SLC7A13: variants seen among roughly 807,000 people sequenced by gnomAD.
SLC7A13 encodes X-amino acid transporter 2.
A neutral mutation model predicts 32.0 loss-of-function variants in SLC7A13; 31 were observed. That is an observed-to-expected ratio of 0.97 (90% CI 0.73 to 1.31). The LOEUF is 1.31. SLC7A13 is among the 50% of genes most tolerant of loss of function. The pLI, the probability that SLC7A13 is intolerant of heterozygous loss-of-function variation, is 0.00. For synonymous variants in SLC7A13, 232 were observed against 206.9 expected (o/e 1.12, Z -1.04); for missense variants, 633 against 546.9 (o/e 1.16, Z -1.57).
At chr8:86,224,874 C>T (rs542376806) in intron 1 of SLC7A13, among the ~76,000 whole-genome samples, 1 of 151,950 alleles carries the variant, frequency 6.6e-6, no homozygotes, top group Admixed American at 6.6e-5. Flanking sequence ...ATTTCTAGAA[C>T]TTCCCTATTT....
chr8:86,227,279 G>A lies in SLC7A13; in HGVS notation c.685+2314C>T, dbSNP rs530941735. 3.9e-5 allele frequency among the ~76,000 whole-genome samples: 6 copies of A among 152,182 alleles called. No individual in the cohort carries two copies. In the East Asian group the frequency reaches 1.2e-3, roughly 29 times the overall value. ...AGAAAAAGTTTTGTTCAGTAGTTAA[G>A]AGTCTGATACATATATAAATAACAA... On this transcript the variant is annotated intron_variant, in intron 1 of 3. Coordinates refer to ENST00000297524, the MANE Select transcript of SLC7A13 (RefSeq NM_138817.3).
At chr8:86,214,710 C>A in intron 3 of SLC7A13, 64 bp from the exon 4 acceptor site, 6 of 1,133,448 alleles carry the variant, frequency 5.3e-6, no homozygotes, top group South Asian at 3.3e-5. Context: ...CCTGCATATT[C>A]ATATAAATAA....
Position 86,230,028 on chromosome 8 carries a change from G to A in SLC7A13, c.250C>T (p.Leu84Phe). 2.5e-6 allele frequency: 4 copies of A among 1,614,152 alleles called. No homozygotes were observed. The highest frequency in any genetic ancestry group is 2.5e-6 in the Non-Finnish European group (3 of 1,180,028). The change falls in exon 1 of 4, where the codon CTC (leucine) becomes TTC (phenylalanine). Residue 84 changes from leucine (L) to phenylalanine (F), a missense_variant. Leu to Phe is a conservative substitution (Grantham distance 22). Coordinates refer to ENST00000297524, the MANE Select transcript of SLC7A13 (RefSeq NM_138817.3). Reference sequence around the variant, plus strand: ...ACCGTGGAGCCAAAGTATCTCTTGAGAAAATAGTATTGAGCTCCACTGCAT... The same window carrying A: ...ACCGTGGAGCCAAAGTATCTCTTGAAAAAATAGTATTGAGCTCCACTGCAT... ...FPCSGAQYYF[L>F]KRYFGSTVAF...
In SLC7A13 at chr8:86,230,003, AC is replaced by A. The variant is rs1563593177; in HGVS notation, c.274del (p.Val92LeufsTer4). On this transcript the variant is annotated frameshift_variant, in exon 1 of 4. Transcript: ENST00000297524. LOFTEE classifies it high-confidence loss of function. ...YFLKRYFGST[V>X]AFLNLWTSLF... is the part of the protein sequence containing the mutation. Reference sequence around the variant, plus strand: ...GGATGTCCAGAGATTCAAAAAAGCAACCGTGGAGCCAAAGTATCTCTTGAGA... The same window carrying A: ...GGATGTCCAGAGATTCAAAAAAGCAACGTGGAGCCAAAGTATCTCTTGAGA... 1 of 1,614,194 alleles carries A rather than the reference AC, an allele frequency of 6.2e-7. No individual in the cohort carries two copies. The highest frequency in any genetic ancestry group is 1.1e-5 in the South Asian group (1 of 91,090).
chr8:86,221,575 AT>A (rs1033679924), intron 2 of SLC7A13, among the ~76,000 whole-genome samples: 34 of 152,216 alleles, frequency 2.2e-4, no homozygotes, highest in African/African-American at 8.2e-4. Flanking sequence ...CTAACTCGTC[AT>A]CTAGCATTAG....
intron 1 of SLC7A13, among the ~76,000 whole-genome samples, chr8:86,227,235 T>G (rs929265163): frequency 1.3e-5 from 2 of 152,158 alleles, no homozygotes; most frequent in Non-Finnish European, 2.9e-5. Context: ...GATAAATTAG[T>G]GGTGGGGGAC....
intron 2 of SLC7A13, among the ~76,000 whole-genome samples, chr8:86,221,064 GAAA>G (rs1427100309): frequency 6.7e-6 from 1 of 150,088 alleles, no homozygotes; most frequent in Non-Finnish European, 1.5e-5. Flanking sequence ...GCACTTTAAA[GAAA>G]ATTTGGAATA....
rs746257822 is a variant in SLC7A13 at position 86,217,804 on chromosome 8, C to T, written c.845G>A (p.Arg282Gln). ...AATCCATGCTAATGAGGGAAAAGCTCGATCAGCCCATGTGATAGCTACAGC... is the reference window on the plus strand; with the variant it reads ...AATCCATGCTAATGAGGGAAAAGCTTGATCAGCCCATGTGATAGCTACAGC... The part of the protein sequence containing the change: ...SDAVAITWAD[R>Q]AFPSLAWIMP... Residue 282 changes from arginine (R) to glutamine (Q), a missense_variant, in exon 3 of 4, where the codon CGA (arginine) becomes CAA (glutamine). Transcript: ENST00000297524. 6.9e-6 allele frequency: 11 copies of T among 1,595,376 alleles called. No individual in the cohort carries two copies. In the South Asian group the frequency reaches 8.0e-5, roughly 12 times the overall value.
intron 1 of SLC7A13, among the ~76,000 whole-genome samples, chr8:86,228,143 C>G (rs1260390009): frequency 7.2e-5 from 11 of 152,260 alleles, no homozygotes; most frequent in Admixed American, 7.2e-4. Context: ...GCACTTGTTG[C>G]TCTGCTCTGA....
chr8:86,215,738 C>T (rs1320027018), intron 3 of SLC7A13: 6 of 406,664 alleles, frequency 1.5e-5, no homozygotes, highest in African/African-American at 2.1e-5. Context: ...GCTTATAAAG[C>T]GTCCCAGAAA....
intron 2 of SLC7A13, among the ~76,000 whole-genome samples, chr8:86,222,425 T>C (rs906878366): frequency 3.3e-5 from 5 of 152,180 alleles, no homozygotes; most frequent in Admixed American, 3.3e-4. Flanking sequence ...GTCTCTAAGA[T>C]AGCTATTTTT....
rs9656982 is a variant in SLC7A13 at position 86,214,471 on chromosome 8, A to G, written c.1355T>C (p.Met452Thr). ...FKIRLAWFEK[M>T]TCYLQLLFNI... ...AAATAGTAATTGTAAATAGCAAGTCATCTTCTCAAACCAAGCCAATCTTAT... is the reference window on the plus strand; with the variant it reads ...AAATAGTAATTGTAAATAGCAAGTCGTCTTCTCAAACCAAGCCAATCTTAT... The change falls in exon 4 of 4, where the codon ATG becomes ACG. Residue 452 changes from methionine (M) to threonine (T), a missense_variant. Physicochemically the swap from Met to Thr is moderately conservative, Grantham distance 81. Coordinates refer to ENST00000297524, the MANE Select transcript of SLC7A13 (RefSeq NM_138817.3). 0.11 allele frequency: 172,321 copies of G among 1,610,534 alleles called. 11,325 individuals are homozygous for G. Among genetic ancestry groups the G allele is most frequent in the Admixed American group, 0.25 (15,142 of 59,926 alleles).
rs528331764 is a variant in SLC7A13 at position 86,224,970 on chromosome 8, C to T, written c.686-1867G>A. On this transcript the variant is annotated intron_variant, in intron 1 of 3. Coordinates refer to ENST00000297524, the MANE Select transcript of SLC7A13 (RefSeq NM_138817.3). Reference sequence around the variant, plus strand: ...TCTTGAACTCCTGGCCTCAAGCAATCCTCCAGTCTAGGCCTCCCAAAGTGC... The same window carrying T: ...TCTTGAACTCCTGGCCTCAAGCAATTCTCCAGTCTAGGCCTCCCAAAGTGC... Among the ~76,000 whole-genome samples the T allele has an allele frequency of 2.9e-4, 43 of 149,964 alleles. No individual in the cohort carries two copies. In the South Asian group the frequency reaches 8.8e-3, roughly 31 times the overall value.
chr8:86,214,682 G>C, intron 3 of SLC7A13, 36 bp from the exon 4 acceptor site: 1 of 1,435,184 alleles, frequency 7.0e-7, no homozygotes, highest in South Asian at 1.2e-5. Flanking sequence ...TATTGGATAT[G>C]AACATCCATG....
rs73691747 is a variant in SLC7A13 at position 86,216,327 on chromosome 8, C to T, written c.1179+1143G>A. On this transcript the variant is annotated intron_variant, in intron 3 of 3. Transcript: ENST00000297524. ...GCCCTGCTCTAGATTAGATCTCTCT[C>T]CCTATGTGCTCTCTGAGCATCCTCT... 8.7e-3 allele frequency among the ~76,000 whole-genome samples: 1,326 copies of T among 152,288 alleles called. 21 individuals are homozygous for T. The highest frequency in any genetic ancestry group is 0.031 in the African/African-American group (1,282 of 41,566).
chr8:86,228,967 C>T (rs920844021), intron 1 of SLC7A13, among the ~76,000 whole-genome samples: 1 of 152,130 alleles, frequency 6.6e-6, no homozygotes, highest in African/African-American at 2.4e-5. Flanking sequence ...AGGCATGAGA[C>T]ATCACACCCA....
At position 86,222,922 on chromosome 8, in the gene SLC7A13, G is replaced by A. The variant is rs146276599; in HGVS notation, c.817+50C>T. The stretch of plus-strand genomic sequence containing the variant: ...TTCTGACTGGTGAAATGATAGTTAC[G>A]TTGAAAGGACCAGCACTTTATTTAT... On this transcript the variant is annotated intron_variant, in intron 2 of 3. Coordinates refer to ENST00000297524, the MANE Select transcript of SLC7A13 (RefSeq NM_138817.3). The A allele has an allele frequency of 1.2e-4, 173 of 1,487,496 alleles. 1 individual carries two copies. Among genetic ancestry groups the A allele is most frequent in the African/African-American group, 2.1e-4 (15 of 69,860 alleles). The allele number at this position is 1,487,496 out of a possible 1,614,324, so 92.1% of individuals were successfully genotyped here.
intron 3 of SLC7A13, among the ~76,000 whole-genome samples, chr8:86,216,593 A>G (rs1158716532): frequency 6.6e-6 from 1 of 152,210 alleles, no homozygotes; most frequent in Non-Finnish European, 1.5e-5. Context: ...TAAATCAACC[A>G]TAGTTGGTGA....
intron 2 of SLC7A13, 40 bp downstream of exon 2, chr8:86,222,932 C>T (rs746228232): frequency 1.3e-6 from 2 of 1,539,836 alleles, no homozygotes; most frequent in African/African-American, 2.8e-5. Context: ...GTTGAAAGGA[C>T]CAGCACTTTA....
Sources: gnomAD v4.1 joint callset for allele counts (sites outside exome capture counted in the v4.1 genomes callset) on GRCh38, gnomAD v4.1.1 for gene constraint, MANE v1.5 for transcripts, NCBI Gene and HGNC (gene_info 2026-07-23, HGNC 2026-07-21) for gene names.